The following DYM variants were observed in gnomAD, a reference collection of about 807,000 sequenced individuals.
DYM encodes dyggve-Melchior-Clausen syndrome protein.
DYM carries 78 observed loss-of-function variants against 93.1 expected under a neutral mutation model. That is an observed-to-expected ratio of 0.84 (90% CI 0.70 to 1.01). DYM has a LOEUF of 1.01. Among genes scored for constraint, DYM ranks in the 50% least tolerant of loss-of-function variants. The pLI, the probability that DYM is intolerant of heterozygous loss-of-function variation, is 0.00. For missense variants in DYM, 789 were observed against 845.0 expected (o/e 0.93, Z 0.82); for synonymous variants, 321 against 319.7 (o/e 1.00, Z -0.04).
chr18:49,415,484 C>T (rs1435028647), intron 2 of DYM, among the ~76,000 whole-genome samples: 3 of 148,490 alleles, frequency 2.0e-5, no homozygotes, highest in Non-Finnish European at 4.4e-5. Flanking sequence ...TAAAAATGAA[C>T]ATGCATTACT....
intron 8 of DYM, among the ~76,000 whole-genome samples, chr18:49,294,228 A>G (rs977753597): frequency 6.6e-6 from 1 of 152,140 alleles, no homozygotes; most frequent in Non-Finnish European, 1.5e-5. Flanking sequence ...GTCTTATAGT[A>G]TAGTTTGAAG....
In DYM at chr18:49,159,061, A is replaced by G. The variant is rs566886921; in HGVS notation, c.1728+4624T>C. Among the ~76,000 whole-genome samples the G allele has an allele frequency of 3.0e-4, 45 of 152,312 alleles. No individual in the cohort carries two copies. The East Asian group carries it at 5.4e-3, about 18-fold the overall frequency. ...ATTTAAAAAAGAATACTCTAATACC[A>G]TTATATACAAACAATATGTATGTAT... On this transcript the variant is annotated intron_variant, in intron 15 of 17. Transcript: ENST00000675505.
intron 10 of DYM, among the ~76,000 whole-genome samples, chr18:49,276,202 G>A (rs1294965019): frequency 6.6e-6 from 1 of 151,938 alleles, no homozygotes; most frequent in Non-Finnish European, 1.5e-5. Flanking sequence ...GTGAGCTGTG[G>A]GGTTTTCATA....
chr18:49,266,243 A>C (rs1315360110), intron 11 of DYM, among the ~76,000 whole-genome samples: 1 of 152,224 alleles, frequency 6.6e-6, no homozygotes, highest in Non-Finnish European at 1.5e-5. Flanking sequence ...CATGGATTTA[A>C]AATAACTAAA....
At chr18:49,048,029 G>GT (rs1353427174) in intron 17 of DYM, 3 of 152,324 alleles carry the variant, frequency 2.0e-5, no homozygotes, top group Non-Finnish European at 4.4e-5. Context: ...GTGGAGTCAG[G>GT]TTTAAAGCCT....
chr18:49,264,106 T>G (rs998919875), intron 11 of DYM, among the ~76,000 whole-genome samples: 6 of 151,670 alleles, frequency 4.0e-5, no homozygotes, highest in African/African-American at 1.5e-4. Context: ...GCGTTGTTTT[T>G]TTTTTTTTTT....
chr18:49,329,280 G>A (rs1294149850), intron 8 of DYM, among the ~76,000 whole-genome samples: 1 of 128,494 alleles, frequency 7.8e-6, no homozygotes, highest in African/African-American at 2.9e-5. Flanking sequence ...ACTGGGGCCT[G>A]TTGTGGGGTG....
At chr18:49,188,785 C>T (rs1366784350) in intron 14 of DYM, among the ~76,000 whole-genome samples, 6 of 152,158 alleles carry the variant, frequency 3.9e-5, no homozygotes, top group South Asian at 2.1e-4. Flanking sequence ...CACATGTATA[C>T]GTATGTAACT....
At chr18:49,350,726 G>GAAAAAAAAAAAAAAAAAAAAA (rs72289769) in intron 6 of DYM, among the ~76,000 whole-genome samples, 1 of 119,928 alleles carries the variant, frequency 8.3e-6, no homozygotes, top group South Asian at 2.7e-4. Flanking sequence ...GAAAAAAAAA[G>GAAAAAAAAAAAAAAAAAAAAA]AAAAAAAAAA....
chr18:49,304,841 C>A (rs1258596821), intron 8 of DYM, among the ~76,000 whole-genome samples: 3 of 152,154 alleles, frequency 2.0e-5, no homozygotes, highest in African/African-American at 7.2e-5. Flanking sequence ...TACGTCCCTG[C>A]AGACAAGGCA....
At chr18:49,310,835 C>A (rs1331734595) in intron 8 of DYM, among the ~76,000 whole-genome samples, 1 of 151,890 alleles carries the variant, frequency 6.6e-6, no homozygotes, top group Non-Finnish European at 1.5e-5. Context: ...AAATGTTGTT[C>A]AATTGAAACA....
At chr18:49,266,424 T>C (rs2094571323) in intron 11 of DYM, among the ~76,000 whole-genome samples, 1 of 152,144 alleles carries the variant, frequency 6.6e-6, no homozygotes, top group Non-Finnish European at 1.5e-5. Flanking sequence ...GAGACCAGCC[T>C]GGGCAACATG....
chr18:49,325,590 C>T (rs940634087), intron 8 of DYM, among the ~76,000 whole-genome samples: 7 of 151,998 alleles, frequency 4.6e-5, no homozygotes, highest in African/African-American at 1.5e-4. Context: ...ACACAGAGAG[C>T]CATACCTTTA....
chr18:49,279,038 A>G (rs1470689050), intron 10 of DYM, among the ~76,000 whole-genome samples: 6 of 152,138 alleles, frequency 3.9e-5, no homozygotes, highest in Non-Finnish European at 4.4e-5. Flanking sequence ...CCTGTTCTTA[A>G]TATTTAGGCA....
chr18:49,304,083 C>T (rs539964410), intron 8 of DYM, among the ~76,000 whole-genome samples: 5 of 152,282 alleles, frequency 3.3e-5, no homozygotes, highest in South Asian at 2.1e-4. Flanking sequence ...AACTGATGCA[C>T]GCTAGCTTTT....
At chr18:49,344,001 A>C (rs912495337) in intron 6 of DYM, among the ~76,000 whole-genome samples, 2 of 152,240 alleles carry the variant, frequency 1.3e-5, no homozygotes, top group Admixed American at 6.5e-5. Flanking sequence ...TAACAGAACT[A>C]GTAGTAACAA....
intron 8 of DYM, among the ~76,000 whole-genome samples, chr18:49,327,154 A>G (rs2062957786): frequency 6.6e-6 from 1 of 152,040 alleles, no homozygotes; most frequent in African/African-American, 2.4e-5. Context: ...AATCTGGATA[A>G]AGTTACATAT....
chr18:49,314,460 G>A (rs1314950202), intron 8 of DYM, among the ~76,000 whole-genome samples: 2 of 152,182 alleles, frequency 1.3e-5, no homozygotes, highest in African/African-American at 2.4e-5. Flanking sequence ...ACACACGTGC[G>A]AATTCCTATG....
intron 13 of DYM, among the ~76,000 whole-genome samples, chr18:49,222,614 T>C (rs1421973635): frequency 6.6e-6 from 1 of 151,904 alleles, no homozygotes; most frequent in Non-Finnish European, 1.5e-5. Flanking sequence ...ATACAATCTA[T>C]ATGGACAATA....
Sources: allele counts gnomAD v4.1 joint callset (sites outside exome capture counted in the v4.1 genomes callset), GRCh38; gene constraint gnomAD v4.1.1; transcripts MANE v1.5; gene names NCBI Gene and HGNC (gene_info 2026-07-23, HGNC 2026-07-21).